Variants in MTMR7 observed in about 807,000 individuals in gnomAD.
The protein encoded by MTMR7 is myotubularin related protein 7, also known as phosphatidylinositol-3-phosphate phosphatase MTMR7.
Under a neutral mutation model 81.2 loss-of-function variants are expected in MTMR7, and 76 were observed. The observed-to-expected ratio is 0.94, with a 90% confidence interval of 0.78 to 1.13. The LOEUF is 1.13. MTMR7 is among the 50% of genes most tolerant of loss of function. The pLI is 0.00. For missense variants in MTMR7, 1,044 were observed against 820.0 expected, an observed-to-expected ratio of 1.27 and a Z score of -3.34; for synonymous variants, 372 against 289.8, an observed-to-expected ratio of 1.28 and a Z score of -2.88.
chr8:17,326,436 T>C (rs756665287), intron 7 of MTMR7: 3 of 152,224 alleles, frequency 2.0e-5, no homozygotes, highest in Non-Finnish European at 4.4e-5. Context: ...ATAATGATCC[T>C]TGCAGTTCAT....
intron 4 of MTMR7, among the ~76,000 whole-genome samples, chr8:17,356,903 A>G (rs2150553891): frequency 6.6e-6 from 1 of 152,274 alleles, no homozygotes; most frequent in African/African-American, 2.4e-5. Flanking sequence ...CAATATGTCC[A>G]CGCAAACACT....
Position 17,413,311 on chromosome 8 carries a change from G to C in MTMR7, c.-19C>G, listed in dbSNP as rs1243244824. On this transcript the variant is annotated 5_prime_UTR_variant, in exon 1 of 14. Coordinates refer to ENST00000180173, the MANE Select transcript of MTMR7 (RefSeq NM_004686.5). Reference sequence around the variant, plus strand: ...GCTCCATGGCTGGCCCACGTCTGCAGGGTCCCGGGCGGGCGCGGCCTCACG... The same window carrying C: ...GCTCCATGGCTGGCCCACGTCTGCACGGTCCCGGGCGGGCGCGGCCTCACG... 5 of 1,539,730 alleles carry C rather than the reference G, an allele frequency of 3.2e-6. No homozygotes were observed. The highest frequency in any genetic ancestry group is 1.4e-5 in the African/African-American group (1 of 72,050).
intron 11 of MTMR7, 147 bp downstream of exon 11, chr8:17,305,610 C>G: frequency 1.6e-6 from 1 of 639,834 alleles, no homozygotes; most frequent in Non-Finnish European, 2.6e-6. Context: ...TGAAATGACA[C>G]CAGGAAAAAG....
At chr8:17,354,004 A>G (rs1563354032) in intron 4 of MTMR7, among the ~76,000 whole-genome samples, 1 of 152,188 alleles carries the variant, frequency 6.6e-6, no homozygotes, top group East Asian at 1.9e-4. Context: ...ATCTTTGTTA[A>G]CCAAGTTAGA....
chr8:17,386,647 T>C (rs371917069), intron 1 of MTMR7, among the ~76,000 whole-genome samples: 1,195 of 54,746 alleles, frequency 0.022, 23 homozygotes, highest in African/African-American at 0.054. Context: ...CTGCTCATGA[T>C]GGCTCCAGTT....
intron 3 of MTMR7, among the ~76,000 whole-genome samples, chr8:17,362,826 G>C (rs962050272): frequency 6.6e-6 from 1 of 152,196 alleles, no homozygotes; most frequent in Admixed American, 6.5e-5. Context: ...CCACCAGCAA[G>C]AGGCTGCAGC....
intron 13 of MTMR7, among the ~76,000 whole-genome samples, chr8:17,300,465 T>C (rs373513639): frequency 6.6e-6 from 1 of 152,142 alleles, no homozygotes; most frequent in Non-Finnish European, 1.5e-5. Context: ...ATAAACAATA[T>C]AGCACAGTTG....
rs1817437709 is a variant in MTMR7, at chr8:17,306,094, G to A, written c.1152-137C>T. The stretch of plus-strand genomic sequence containing the variant: ...TTACAAACTTGGAATGACAAAAAAG[G>A]TAGAAAAGTTAAGATTTTAAATTCA... On this transcript the variant is annotated intron_variant, in intron 10 of 13. Coordinates refer to ENST00000180173, the MANE Select transcript of MTMR7 (RefSeq NM_004686.5). 5.7e-6 allele frequency: 4 copies of A among 700,638 alleles called. No individual in the cohort carries two copies. In the East Asian group the frequency reaches 8.4e-5, roughly 15 times the overall value. The allele number at this position is 700,638 out of a possible 1,614,324, so 43.4% of individuals were successfully genotyped here.
intron 7 of MTMR7, among the ~76,000 whole-genome samples, chr8:17,323,979 C>T (rs1028969619): frequency 3.3e-5 from 5 of 152,136 alleles, no homozygotes; most frequent in African/African-American, 9.7e-5. Flanking sequence ...AATAAAACAT[C>T]GCTGAGAGAA....
In MTMR7 at chr8:17,368,981, G is replaced by A. The variant is rs555814272; in HGVS notation, c.310+2056C>T. 7.9e-5 allele frequency among the ~76,000 whole-genome samples: 12 copies of A among 152,262 alleles called. No individual in the cohort carries two copies. The South Asian group carries it at 1.0e-3, about 13-fold the overall frequency. ...TTTCCCCCTCAGGGATCCTCACGGC[G>A]AGAGTCCTGGCACTCGCTATCTCTG... On this transcript the variant is annotated intron_variant, in intron 3 of 13. Coordinates refer to ENST00000180173, the MANE Select transcript of MTMR7 (RefSeq NM_004686.5).
At position 17,377,361 on chromosome 8, in the gene MTMR7, T is replaced by A. The variant is rs1052245965; in HGVS notation, c.25-4121A>T. Among the ~76,000 whole-genome samples the A allele has an allele frequency of 2.2e-4, 33 of 152,122 alleles. 1 individual carries two copies. The highest frequency in any genetic ancestry group is 1.0e-4 in the Non-Finnish European group (7 of 67,966). The stretch of plus-strand genomic sequence containing the variant: ...AGATTTTCAAATTTTTACAATCTTT[T>A]AATTCTTATCTGTGGGTAAACCCCT... On this transcript the variant is annotated intron_variant, in intron 1 of 13. Transcript: ENST00000180173.
chr8:17,379,660 A>G (rs1224467890), intron 1 of MTMR7, among the ~76,000 whole-genome samples: 1 of 152,174 alleles, frequency 6.6e-6, no homozygotes, highest in East Asian at 1.9e-4. Context: ...CTTAATGTTT[A>G]AAGATTTGGA....
At chr8:17,399,140 C>G (rs73551367) in intron 1 of MTMR7, among the ~76,000 whole-genome samples, 4,754 of 147,964 alleles carry the variant, frequency 0.032, 249 homozygotes, top group African/African-American at 0.11. Context: ...ATCAATCAGA[C>G]AAGAGAAAAA....
chr8:17,350,094 A>G (rs1819682820), intron 4 of MTMR7, among the ~76,000 whole-genome samples: 1 of 152,188 alleles, frequency 6.6e-6, no homozygotes, highest in Admixed American at 6.5e-5. Context: ...TGCTCAACAC[A>G]TTTTGCTTTC....
chr8:17,353,264 T>G (rs893861863), intron 4 of MTMR7, among the ~76,000 whole-genome samples: 3 of 152,094 alleles, frequency 2.0e-5, no homozygotes, highest in Non-Finnish European at 4.4e-5. Flanking sequence ...AAAAGTAGAA[T>G]GATGGTTGCC....
intron 7 of MTMR7, among the ~76,000 whole-genome samples, chr8:17,317,811 G>A (rs1818174365): frequency 6.6e-6 from 1 of 152,040 alleles, no homozygotes; most frequent in African/African-American, 2.4e-5. Context: ...TTTTTTTCTA[G>A]TCTGTGGCAT....
At position 17,380,495 on chromosome 8, in the gene MTMR7, T is replaced by C. The variant is rs1820725743; in HGVS notation, c.25-7255A>G. Among the ~76,000 whole-genome samples the C allele has an allele frequency of 2.0e-5, 3 of 151,910 alleles. No individual in the cohort carries two copies. In the South Asian group the frequency reaches 6.2e-4, roughly 32 times the overall value. ...TGGGTCTCCAACCTTTCGGCTTCCC[T>C]GAGCCACACTGGAAGAAGACGAACT... is the stretch of plus-strand genomic sequence containing the variant. On this transcript the variant is annotated intron_variant, in intron 1 of 13. Coordinates refer to ENST00000180173, the MANE Select transcript of MTMR7 (RefSeq NM_004686.5).
chr8:17,357,172 G>C (rs1319539936), intron 4 of MTMR7, among the ~76,000 whole-genome samples: 1 of 152,192 alleles, frequency 6.6e-6, no homozygotes, highest in Non-Finnish European at 1.5e-5. Context: ...AGAGCTATCA[G>C]TATCAACAGT....
intron 1 of MTMR7, among the ~76,000 whole-genome samples, chr8:17,375,682 T>A (rs986367542): frequency 3.3e-5 from 5 of 152,210 alleles, no homozygotes; most frequent in African/African-American, 1.2e-4. Flanking sequence ...TGAGTTTTTA[T>A]AACTGCGTCC....
Sources: gnomAD v4.1 joint callset for allele counts (sites outside exome capture counted in the v4.1 genomes callset) on GRCh38, gnomAD v4.1.1 for gene constraint, MANE v1.5 for transcripts, NCBI Gene and HGNC (gene_info 2026-07-23, HGNC 2026-07-21) for gene names.